ARHGAP6: variants seen among roughly 807,000 people sequenced by gnomAD.
ARHGAP6 encodes Rho GTPase activating protein 6.
A neutral mutation model predicts 55.7 loss-of-function variants in ARHGAP6; 16 were observed. The observed-to-expected ratio is 0.29, with a 90% CI of 0.19 to 0.44. ARHGAP6 has a LOEUF of 0.44. Ranked by LOEUF, ARHGAP6 falls within the 20% of genes least tolerant of loss-of-function variation. ARHGAP6 has a pLI of 1.00. For synonymous variants in ARHGAP6, 382 were observed against 360.9 expected, an observed-to-expected ratio of 1.06 and a Z score of -0.66; for missense variants, 698 against 808.9, an observed-to-expected ratio of 0.86 and a Z score of 1.66.
chrX:11,469,812 T>C (rs1394817498), intron 1 of ARHGAP6, among the ~76,000 whole-genome samples: 1 of 111,539 alleles, frequency 9.0e-6, no homozygotes, highest in Non-Finnish European at 1.9e-5. Context: ...TGGGAGTTAA[T>C]TCCCAGAAAC....
At chrX:11,211,421 G>A (rs1438713307) in intron 2 of ARHGAP6, among the ~76,000 whole-genome samples, 3 of 108,794 alleles carry the variant, frequency 2.8e-5, no homozygotes, top group Admixed American at 9.9e-5. Flanking sequence ...TAGTAGAGAC[G>A]GGGTTTCACC....
intron 1 of ARHGAP6, among the ~76,000 whole-genome samples, chrX:11,655,358 T>C (rs1398627940): frequency 1.8e-5 from 2 of 112,240 alleles, no homozygotes; most frequent in Non-Finnish European, 3.8e-5. Context: ...CATATACATG[T>C]TTTGGTGTGG....
chrX:11,519,840 G>C (rs1195748207), intron 1 of ARHGAP6, among the ~76,000 whole-genome samples: 1 of 105,551 alleles, frequency 9.5e-6, no homozygotes, highest in African/African-American at 3.5e-5. Flanking sequence ...ATCAATTCAA[G>C]ATGGATTAAA....
At chrX:11,190,359 T>A (rs1400699675) in intron 3 of ARHGAP6, among the ~76,000 whole-genome samples, 1 of 109,093 alleles carries the variant, frequency 9.2e-6, no homozygotes, top group Non-Finnish European at 1.9e-5. Context: ...GACAGTGTAG[T>A]GAGGTGTAAT....
intron 3 of ARHGAP6, among the ~76,000 whole-genome samples, chrX:11,193,738 T>A (rs1249073405): frequency 8.9e-6 from 1 of 112,682 alleles, no homozygotes; most frequent in Non-Finnish European, 1.9e-5. Flanking sequence ...TATGTAAATA[T>A]GATTTAGTTT....
chrX:11,154,039 C>T (rs763482426), intron 10 of ARHGAP6, among the ~76,000 whole-genome samples: 1 of 110,068 alleles, frequency 9.1e-6, no homozygotes, highest in Admixed American at 9.7e-5. Flanking sequence ...GTTCAATTCC[C>T]ACCTATGAGT....
At chrX:11,589,394 T>A (rs2051777356) in intron 1 of ARHGAP6, among the ~76,000 whole-genome samples, 1 of 107,280 alleles carries the variant, frequency 9.3e-6, no homozygotes, top group Non-Finnish European at 1.9e-5. Context: ...AATGAAGAAC[T>A]TTTATAAATC....
chrX:11,261,278 T>C (rs138232994), intron 1 of ARHGAP6, among the ~76,000 whole-genome samples: 144 of 111,342 alleles, frequency 1.3e-3, no homozygotes, highest in Non-Finnish European at 2.3e-3. Context: ...GTGATACCTA[T>C]ACCCACCCAT....
chrX:11,270,215 C>G (rs2047675495), intron 1 of ARHGAP6, among the ~76,000 whole-genome samples: 1 of 112,034 alleles, frequency 8.9e-6, no homozygotes, highest in Admixed American at 9.5e-5. Context: ...ATTTTAACCC[C>G]TAGGCAATAT....
chrX:11,614,022 CA>C (rs781591093), intron 1 of ARHGAP6, among the ~76,000 whole-genome samples: 2 of 111,905 alleles, frequency 1.8e-5, no homozygotes, highest in African/African-American at 6.5e-5. Context: ...GCTCCCAGAC[CA>C]CTGGCACAAA....
At chrX:11,616,357 T>C (rs2052164415) in intron 1 of ARHGAP6, among the ~76,000 whole-genome samples, 1 of 110,834 alleles carries the variant, frequency 9.0e-6, no homozygotes. Context: ...GATGGAGTCT[T>C]GTTCTGTTGC....
At chrX:11,361,910 A>T (rs1162725637) in intron 1 of ARHGAP6, among the ~76,000 whole-genome samples, 2 of 112,462 alleles carry the variant, frequency 1.8e-5, no homozygotes, top group African/African-American at 3.2e-5. Context: ...CAAAATGCTC[A>T]TCATCACTGG....
In ARHGAP6 at chrX:11,427,654, G is replaced by C; in HGVS notation, c.589-172947C>G. 8.2e-6 allele frequency: 7 copies of C among 854,915 alleles called. No homozygotes were observed. In the South Asian group the frequency reaches 1.8e-4, roughly 22 times the overall value. The allele number at this position is 854,915 out of a possible 1,213,427, so 70.5% of individuals were successfully genotyped here. ...CAGCCTGGGGTCACGGTGTCTCTCT[G>C]AGTTCCCCGCACTTCACTGCCATCC... is the stretch of plus-strand genomic sequence containing the variant. On this transcript the variant is annotated intron_variant, in intron 1 of 12. Coordinates refer to ENST00000337414, the MANE Select transcript of ARHGAP6 (RefSeq NM_013427.3).
intron 1 of ARHGAP6, among the ~76,000 whole-genome samples, chrX:11,386,785 A>G (rs761163325): frequency 1.8e-5 from 2 of 112,543 alleles, no homozygotes; most frequent in South Asian, 7.4e-4. Context: ...AAGAAAGAAA[A>G]TTAAACTATA....
chrX:11,148,783 C>A, intron 10 of ARHGAP6: 1 of 338,223 alleles, frequency 3.0e-6, no homozygotes, highest in Non-Finnish European at 5.8e-6. Context: ...CCTTGCTGAG[C>A]TACCCCAGCA....
At chrX:11,435,346 C>T (rs929911799) in intron 1 of ARHGAP6, among the ~76,000 whole-genome samples, 1 of 112,297 alleles carries the variant, frequency 8.9e-6, no homozygotes, top group Admixed American at 9.4e-5. Context: ...TGTCCTTGCA[C>T]ACAGCACAGA....
rs201875323 is a variant in ARHGAP6, at chrX:11,411,183, T to TTATATATATATATATA, written c.589-156492_589-156477dup. Reference sequence around the variant, plus strand: ...GGCCTGTGTCACTGGCAGACATTATTTATATATATATATATATATATATAT... The same window carrying TTATATATATATATATA: ...GGCCTGTGTCACTGGCAGACATTATTTATATATATATATATATATATATATATATATATATATATAT... On this transcript the variant is annotated intron_variant, in intron 1 of 12. Coordinates refer to ENST00000337414, the MANE Select transcript of ARHGAP6 (RefSeq NM_013427.3). Among the ~76,000 whole-genome samples the TTATATATATATATATA allele has an allele frequency of 9.6e-3, 304 of 31,691 alleles. 5 individuals are homozygous for TTATATATATATATATA. The highest frequency in any genetic ancestry group is 0.037 in the East Asian group (11 of 301). 27.5% of individuals were successfully genotyped at this position (31,691 alleles called of 115,157 possible).
chrX:11,304,801 T>G (rs1342013031), intron 1 of ARHGAP6, among the ~76,000 whole-genome samples: 1 of 88,152 alleles, frequency 1.1e-5, no homozygotes, highest in African/African-American at 4.3e-5. Context: ...TTTTTTTTTT[T>G]TTTTGAGATG....
chrX:11,661,303 C>A (rs907643094), intron 1 of ARHGAP6, among the ~76,000 whole-genome samples: 15 of 112,592 alleles, frequency 1.3e-4, no homozygotes, highest in African/African-American at 4.5e-4. Flanking sequence ...TACCCTTTGT[C>A]TCCTCCATGT....
Sources: allele counts gnomAD v4.1 joint callset (sites outside exome capture counted in the v4.1 genomes callset), GRCh38; gene constraint gnomAD v4.1.1; transcripts MANE v1.5; gene names NCBI Gene and HGNC (gene_info 2026-07-23, HGNC 2026-07-21).